The following CADPS2 variants were observed in gnomAD, a reference collection of about 807,000 sequenced individuals.
CADPS2 encodes calcium-dependent secretion activator 2.
Under a neutral mutation model 172.5 loss-of-function variants are expected in CADPS2, and 93 were observed. The observed-to-expected ratio is 0.54, with a 90% CI of 0.46 to 0.64. The LOEUF (loss-of-function observed/expected upper bound fraction) is 0.64, where lower values mean the gene tolerates loss of function less well. CADPS2 is among the 30% of genes least tolerant of loss of function. The probability of loss-of-function intolerance (pLI) is 0.00; values close to 1 mark genes in which losing one functional copy is unlikely to be tolerated. For synonymous variants in CADPS2, 546 were observed against 555.2 expected (o/e 0.98, Z 0.23); for missense variants, 1,420 against 1,565.9 (o/e 0.91, Z 1.57).
chr7:122,704,017 C>A (rs968008834), intron 2 of CADPS2, among the ~76,000 whole-genome samples: 1 of 151,942 alleles, frequency 6.6e-6, no homozygotes, highest in Non-Finnish European at 1.5e-5. Context: ...TTGGCAACAC[C>A]CACTCAAAAA....
At chr7:122,418,170 A>C (rs1216551221) in intron 17 of CADPS2, among the ~76,000 whole-genome samples, 2 of 131,008 alleles carry the variant, frequency 1.5e-5, no homozygotes, top group African/African-American at 6.5e-5. Context: ...ACTCCATCTC[A>C]AAAAAAAAAA....
At chr7:122,550,384 A>T (rs1023886809) in intron 8 of CADPS2, among the ~76,000 whole-genome samples, 1 of 152,216 alleles carries the variant, frequency 6.6e-6, no homozygotes, top group African/African-American at 2.4e-5. Flanking sequence ...TAGTTTTGCT[A>T]AAATTTTATC....
intron 17 of CADPS2, among the ~76,000 whole-genome samples, chr7:122,433,956 G>C (rs1419304680): frequency 6.6e-6 from 1 of 152,118 alleles, no homozygotes; most frequent in Middle Eastern, 3.2e-3. Flanking sequence ...ATATCTCCCA[G>C]GGGAAGAAGC....
chr7:122,423,470 G>A (rs1174970479), intron 17 of CADPS2, among the ~76,000 whole-genome samples: 2 of 152,118 alleles, frequency 1.3e-5, no homozygotes, highest in African/African-American at 4.8e-5. Context: ...GGGTGAGGTG[G>A]TTCCCAAAAG....
At chr7:122,622,436 A>G (rs1372913501) in intron 4 of CADPS2, among the ~76,000 whole-genome samples, 1 of 152,194 alleles carries the variant, frequency 6.6e-6, no homozygotes, top group African/African-American at 2.4e-5. Context: ...TTATATCAGC[A>G]TTGCCATTCA....
chr7:122,395,210 G>A (rs559560076), intron 20 of CADPS2, among the ~76,000 whole-genome samples: 11 of 152,206 alleles, frequency 7.2e-5, no homozygotes, highest in African/African-American at 1.7e-4. Context: ...TACTTTATGC[G>A]TTTCTGAAAT....
intron 8 of CADPS2, among the ~76,000 whole-genome samples, chr7:122,546,533 C>G (rs1292731439): frequency 7.0e-6 from 1 of 143,694 alleles, no homozygotes. Context: ...ATTTTCTCCT[C>G]TTTAGACCTC....
intron 1 of CADPS2, among the ~76,000 whole-genome samples, chr7:122,857,924 C>T (rs1055533898): frequency 1.4e-4 from 21 of 152,214 alleles, no homozygotes; most frequent in African/African-American, 5.1e-4. Flanking sequence ...ATGAAGCCAA[C>T]GACCTTTGTG....
chr7:122,407,435 C>T lies in CADPS2; in HGVS notation c.2746+105G>A, dbSNP rs6964703. On this transcript the variant is annotated intron_variant, in intron 20 of 29. Coordinates refer to ENST00000449022, the MANE Select transcript of CADPS2 (RefSeq NM_017954.11). ...TGAGCAAACCTAAATGTTACCCATG[C>T]GAACTCTTGTCAGGCCGGTGTGAGG... 1,241 of 1,231,330 alleles carry T rather than the reference C, an allele frequency of 1.0e-3. 8 individuals are homozygous for T. In the African/African-American group the frequency reaches 0.017, roughly 17 times the overall value. The allele number at this position is 1,231,330 out of a possible 1,614,324, so 76.3% of individuals were successfully genotyped here.
At chr7:122,659,835 A>T (rs1188228914) in intron 3 of CADPS2, among the ~76,000 whole-genome samples, 1 of 152,128 alleles carries the variant, frequency 6.6e-6, no homozygotes, top group African/African-American at 2.4e-5. Context: ...TGCAAACAAA[A>T]AGACAGTGTG....
Position 122,387,029 on chromosome 7 carries a change from T to C in CADPS2, c.3309A>G (p.Gln1103=). 1.3e-6 allele frequency: 2 copies of C among 1,555,912 alleles called. No individual in the cohort carries two copies. The highest frequency in any genetic ancestry group is 1.7e-6 in the Non-Finnish European group (2 of 1,148,424). Residue 1103 remains glutamine, a synonymous_variant, in exon 24 of 30, where the codon CAA becomes CAG. Coordinates refer to ENST00000449022, the MANE Select transcript of CADPS2 (RefSeq NM_017954.11). ...CCATGTGGCACATTCTACATACCTCTTGTCCTCCATCCAGGGCACAGAGTT... is the reference window on the plus strand; with the variant it reads ...CCATGTGGCACATTCTACATACCTCCTGTCCTCCATCCAGGGCACAGAGTT... ...STKLCALDGG[Q]EQQYHSKIDD...
intron 1 of CADPS2, among the ~76,000 whole-genome samples, chr7:122,828,532 T>C (rs931747567): frequency 1.3e-5 from 2 of 152,206 alleles, no homozygotes; most frequent in Non-Finnish European, 2.9e-5. Context: ...TTGAGTATTA[T>C]ATGGCACTAC....
Position 122,338,267 on chromosome 7 carries a change from C to T in CADPS2, c.3612+7307G>A, listed in dbSNP as rs949703796. 5.3e-5 allele frequency among the ~76,000 whole-genome samples: 8 copies of T among 152,226 alleles called. No homozygotes were observed. In the South Asian group the frequency reaches 6.2e-4, roughly 12 times the overall value. ...AAAACATTAGCCAGGCATGGTGGCACGCACCTGTAGTCCCAGCTACTTGGG... is the reference window on the plus strand; with the variant it reads ...AAAACATTAGCCAGGCATGGTGGCATGCACCTGTAGTCCCAGCTACTTGGG... On this transcript the variant is annotated intron_variant, in intron 28 of 29. Coordinates refer to ENST00000449022, the MANE Select transcript of CADPS2 (RefSeq NM_017954.11).
chr7:122,448,385 CGGGGATTATTACAATTCAA>C (rs1175361594), intron 15 of CADPS2, among the ~76,000 whole-genome samples: 1 of 152,056 alleles, frequency 6.6e-6, no homozygotes, highest in Non-Finnish European at 1.5e-5. Flanking sequence ...CCTTGACAAA[CGGGGATTATTACAATTCAA>C]GGTAAGATTT....
chr7:122,395,734 A>C (rs903995806), intron 20 of CADPS2, among the ~76,000 whole-genome samples: 4 of 152,084 alleles, frequency 2.6e-5, no homozygotes, highest in African/African-American at 9.7e-5. Flanking sequence ...TTGGAGTACC[A>C]AGCACTATGT....
chr7:122,697,907 T>C, intron 2 of CADPS2: 1 of 1,613,906 alleles, frequency 6.2e-7, no homozygotes, highest in Non-Finnish European at 8.5e-7. Flanking sequence ...GAAACTTCAT[T>C]ATTTGTCTCC....
chr7:122,559,413 C>A (rs1041938599), intron 7 of CADPS2, among the ~76,000 whole-genome samples: 4 of 152,152 alleles, frequency 2.6e-5, no homozygotes, highest in African/African-American at 9.7e-5. Flanking sequence ...ACGAAAAGAA[C>A]TTCAATCAGT....
intron 1 of CADPS2, among the ~76,000 whole-genome samples, chr7:122,758,011 T>C (rs1417720392): frequency 6.6e-6 from 1 of 152,146 alleles, no homozygotes; most frequent in Admixed American, 6.6e-5. Context: ...AATGCTAAAT[T>C]TAAGTTTAAA....
chr7:122,794,573 C>T (rs1052669150), intron 1 of CADPS2, among the ~76,000 whole-genome samples: 1 of 151,920 alleles, frequency 6.6e-6, no homozygotes, highest in Non-Finnish European at 1.5e-5. Flanking sequence ...AGAAAACTAA[C>T]AAAGATATTC....
Sources: gnomAD v4.1 joint callset for allele counts (sites outside exome capture counted in the v4.1 genomes callset) on GRCh38, gnomAD v4.1.1 for gene constraint, MANE v1.5 for transcripts, NCBI Gene and HGNC (gene_info 2026-07-23, HGNC 2026-07-21) for gene names.